S100Z: variants seen among roughly 807,000 people sequenced by gnomAD.
S100Z encodes S100 calcium binding protein Z.
Under a neutral mutation model 8.5 loss-of-function variants are expected in S100Z, and 11 were observed. The observed-to-expected ratio is 1.30, with a 90% CI of 0.82 to 2.15. The LOEUF is 2.15. Among genes scored for constraint, S100Z ranks in the 30% most tolerant of loss-of-function variants. The pLI, the probability that S100Z is intolerant of heterozygous loss-of-function variation, is 0.00. For missense variants in S100Z, 126 were observed against 117.9 expected (o/e 1.07, Z -0.32); for synonymous variants, 34 against 43.8 (o/e 0.78, Z 0.89).
At chr5:76,853,751 A>G (rs774334719) in intron 1 of S100Z, among the ~76,000 whole-genome samples, 6 of 151,730 alleles carry the variant, frequency 4.0e-5, no homozygotes, top group Non-Finnish European at 8.8e-5. Flanking sequence ...CAGCTGAGAT[A>G]GTGCCACTGC....
the S100Z span, among the ~76,000 whole-genome samples, chr5:76,933,489 C>T: frequency 2.0e-5 from 3 of 152,166 alleles, no homozygotes; most frequent in Non-Finnish European, 2.9e-5. Context: ...CTGCTCAGAA[C>T]GGCCCGTGAT....
At chr5:76,913,202 A>ATGGGTTG (rs1360242318) in intron 4 of S100Z, among the ~76,000 whole-genome samples, 1 of 152,242 alleles carries the variant, frequency 6.6e-6, no homozygotes, top group East Asian at 1.9e-4. Context: ...TAGCCTTCCT[A>ATGGGTTG]TCAAAAATCC....
chr5:76,925,447 C>T (rs369749872), downstream of S100Z, among the ~76,000 whole-genome samples: 4 of 152,292 alleles, frequency 2.6e-5, no homozygotes, highest in South Asian at 4.1e-4. Flanking sequence ...GTCCTCTACT[C>T]CAGGAGAAAC....
At chr5:76,934,163 A>G in the S100Z span, among the ~76,000 whole-genome samples, 1 of 152,152 alleles carries the variant, frequency 6.6e-6, no homozygotes, top group Non-Finnish European at 1.5e-5. Flanking sequence ...GCTCTTAATC[A>G]TCCTCTACCA....
At chr5:76,913,123 T>C (rs984650648) in intron 4 of S100Z, among the ~76,000 whole-genome samples, 10 of 152,154 alleles carry the variant, frequency 6.6e-5, no homozygotes, top group Non-Finnish European at 1.0e-4. Flanking sequence ...CCTATAACAC[T>C]CCAATACCAC....
intron 1 of S100Z, among the ~76,000 whole-genome samples, chr5:76,852,062 A>C (rs1318861239): frequency 8.5e-6 from 1 of 117,608 alleles, no homozygotes; most frequent in Non-Finnish European, 1.6e-5. Context: ...TTTCTTTTAA[A>C]AAAAAAAAAA....
At chr5:76,859,782 A>AAAAAAAAAAAG in intron 1 of S100Z, among the ~76,000 whole-genome samples, 2 of 151,478 alleles carry the variant, frequency 1.3e-5, no homozygotes, top group East Asian at 1.9e-4. Context: ...AAAAAAAAAA[A>AAAAAAAAAAAG]AAAGAAATAA....
At chr5:76,924,489 A>G (rs1580074689), downstream of S100Z, among the ~76,000 whole-genome samples, 1 of 152,208 alleles carries the variant, frequency 6.6e-6, no homozygotes, top group African/African-American at 2.4e-5. Flanking sequence ...CATGCCCTTT[A>G]AAATTTGAGA....
chr5:76,938,467 CAG>C, the S100Z span, among the ~76,000 whole-genome samples: 60,558 of 151,804 alleles, frequency 0.4, 14,017 homozygotes, highest in South Asian at 0.65. Context: ...AGGTGAAAGA[CAG>C]GAAAGCAGGA....
At chr5:76,932,892 C>CCTA in the S100Z span, among the ~76,000 whole-genome samples, 9 of 152,106 alleles carry the variant, frequency 5.9e-5, no homozygotes, top group East Asian at 5.8e-4. Flanking sequence ...ATATTTAACA[C>CCTA]CTAAACAAAG....
intron 4 of S100Z, among the ~76,000 whole-genome samples, chr5:76,905,515 C>A (rs1211326427): frequency 6.6e-6 from 1 of 152,052 alleles, no homozygotes; most frequent in Non-Finnish European, 1.5e-5. Flanking sequence ...TGGGTTTGCA[C>A]CATTCTTCTG....
rs565419276 is a variant in S100Z, at chr5:76,891,019, G to A, written c.*2+13185G>A. The stretch of plus-strand genomic sequence containing the variant: ...TGGGATTACAGGCATGCACCACCAC[G>A]CCTGGCTAATTTTTGTATTTTTAGT... On this transcript the variant is annotated intron_variant, in intron 4 of 4. Coordinates refer to ENST00000317593, the MANE Select transcript of S100Z (RefSeq NM_130772.4). 8.1e-4 allele frequency among the ~76,000 whole-genome samples: 123 copies of A among 152,070 alleles called. No homozygotes were observed. In the South Asian group the frequency reaches 0.012, roughly 15 times the overall value.
chr5:76,935,750 T>C, the S100Z span, among the ~76,000 whole-genome samples: 1 of 151,608 alleles, frequency 6.6e-6, no homozygotes, highest in Non-Finnish European at 1.5e-5. Flanking sequence ...GCTTTAAGTC[T>C]AAAGACTCAA....
intron 3 of S100Z, among the ~76,000 whole-genome samples, chr5:76,876,492 C>T (rs147183210): frequency 0.036 from 5,417 of 151,982 alleles, 226 homozygotes; most frequent in East Asian, 0.12. Context: ...CCTCAGCCTC[C>T]GGAGTAACTG....
chr5:76,878,475 G>A (rs1743279054), intron 4 of S100Z, among the ~76,000 whole-genome samples: 1 of 152,152 alleles, frequency 6.6e-6, no homozygotes, highest in South Asian at 2.1e-4. Flanking sequence ...TCCCCCTGGG[G>A]CTGAGCCTCG....
chr5:76,882,422 G>T (rs772004262), intron 4 of S100Z, among the ~76,000 whole-genome samples: 3 of 152,170 alleles, frequency 2.0e-5, no homozygotes, highest in Non-Finnish European at 2.9e-5. Context: ...AGCTAGTGTG[G>T]GGGCAGCTTC....
intron 4 of S100Z, among the ~76,000 whole-genome samples, chr5:76,899,468 T>C (rs778136147): frequency 6.6e-6 from 1 of 152,174 alleles, no homozygotes; most frequent in Non-Finnish European, 1.5e-5. Flanking sequence ...TGATTTTCTC[T>C]GGTGATGTGA....
chr5:76,877,736 C>T lies in S100Z; in HGVS notation c.204C>T (p.Asn68=), dbSNP rs376589725. The T allele has an allele frequency of 8.4e-5, 136 of 1,611,264 alleles. No individual in the cohort carries two copies. Among genetic ancestry groups the T allele is most frequent in the Non-Finnish European group, 1.0e-4 (123 of 1,177,520 alleles). ...AGGACCTGGATGCCAATAAGGACAA[C>T]GAAGTGGATTTTAATGAATTCGTGG... ...IVQDLDANKD[N]EVDFNEFVVM... Residue 68 remains asparagine, a synonymous_variant, in exon 4 of 5, where the codon AAC becomes AAT. Transcript: ENST00000317593.
intron 4 of S100Z, among the ~76,000 whole-genome samples, chr5:76,907,045 T>C (rs1744481343): frequency 6.8e-6 from 1 of 146,492 alleles, no homozygotes; most frequent in Admixed American, 6.8e-5. Context: ...TACCAAATTT[T>C]CTTTATCCAT....
Sources: allele counts gnomAD v4.1 joint callset (sites outside exome capture counted in the v4.1 genomes callset), GRCh38; gene constraint gnomAD v4.1.1; transcripts MANE v1.5; gene names NCBI Gene and HGNC (gene_info 2026-07-23, HGNC 2026-07-21).